The following SCAMP1 variants were observed in gnomAD, a reference collection of about 807,000 sequenced individuals.
The protein encoded by SCAMP1 is secretory carrier membrane protein 1.
In SCAMP1, 15 loss-of-function variants were observed where a neutral mutation model predicts 41.8. The ratio of observed to expected loss-of-function variants is 0.36; its 90% CI spans 0.24 to 0.55. The LOEUF (loss-of-function observed/expected upper bound fraction) is 0.55. Among genes scored for constraint, SCAMP1 ranks in the 20% least tolerant of loss-of-function variants. SCAMP1 has a pLI of 0.86. For missense variants in SCAMP1, 341 were observed against 412.6 expected, an observed-to-expected ratio of 0.83 and a Z score of 1.50; for synonymous variants, 135 against 136.8, an observed-to-expected ratio of 0.99 and a Z score of 0.09.
intron 1 of SCAMP1, among the ~76,000 whole-genome samples, chr5:78,369,678 A>G (rs577232817): frequency 2.0e-5 from 3 of 152,206 alleles, no homozygotes; most frequent in African/African-American, 2.4e-5. Flanking sequence ...AAAAAAGGCA[A>G]TATCTGTGAA....
At chr5:78,446,412 CCTTTT>C (rs1753053313) in intron 6 of SCAMP1, among the ~76,000 whole-genome samples, 1 of 152,000 alleles carries the variant, frequency 6.6e-6, no homozygotes, top group African/African-American at 2.4e-5. Flanking sequence ...TTATTCAGCC[CCTTTT>C]TAGAGCACAT....
At chr5:78,452,678 A>C (rs1753269914) in intron 7 of SCAMP1, among the ~76,000 whole-genome samples, 1 of 151,766 alleles carries the variant, frequency 6.6e-6, no homozygotes, top group Non-Finnish European at 1.5e-5. Context: ...TAGCAGCATG[A>C]TTTATAGTCC....
intron 8 of SCAMP1, among the ~76,000 whole-genome samples, chr5:78,468,151 CT>C (rs1465778244): frequency 2.6e-5 from 4 of 152,096 alleles, no homozygotes; most frequent in African/African-American, 9.7e-5. Flanking sequence ...ATCATTGGTG[CT>C]GCAGGGCCCA....
At chr5:78,376,010 A>G (rs534457138) in intron 1 of SCAMP1, among the ~76,000 whole-genome samples, 26 of 152,250 alleles carry the variant, frequency 1.7e-4, no homozygotes, top group African/African-American at 6.0e-4. Context: ...ATCAATATAA[A>G]TGTTGCAGGA....
chr5:78,446,425 C>T (rs1317482231), intron 6 of SCAMP1, among the ~76,000 whole-genome samples: 1 of 151,990 alleles, frequency 6.6e-6, no homozygotes, highest in African/African-American at 2.4e-5. Flanking sequence ...TTTTAGAGCA[C>T]ATACTTTATA....
chr5:78,455,480 G>A (rs1411220762), intron 7 of SCAMP1, among the ~76,000 whole-genome samples: 1 of 131,204 alleles, frequency 7.6e-6, no homozygotes. Flanking sequence ...CAGTTTCCAT[G>A]TAGTTGAGTG....
intron 2 of SCAMP1, among the ~76,000 whole-genome samples, chr5:78,409,635 T>C (rs970017419): frequency 3.9e-5 from 6 of 152,164 alleles, no homozygotes; most frequent in Non-Finnish European, 8.8e-5. Flanking sequence ...GTGAAGAAAT[T>C]ATCAGGATAA....
At position 78,456,421 on chromosome 5, in the gene SCAMP1, T is replaced by C. The variant is rs545891107; in HGVS notation, c.735-2824T>C. 6.2e-4 allele frequency among the ~76,000 whole-genome samples: 95 copies of C among 152,230 alleles called. 1 individual carries two copies. In the South Asian group the frequency reaches 0.012, roughly 20 times the overall value. On this transcript the variant is annotated intron_variant, in intron 7 of 8. Coordinates refer to ENST00000621999, the MANE Select transcript of SCAMP1 (RefSeq NM_004866.6). ...TCAGCATTTGCTTGTTTGTAAAGTA[T>C]TTTATTTCTCCTTCACTTATGAAGT... is the stretch of plus-strand genomic sequence containing the variant.
At chr5:78,403,044 T>A (rs1437014374) in intron 2 of SCAMP1, among the ~76,000 whole-genome samples, 1 of 152,168 alleles carries the variant, frequency 6.6e-6, no homozygotes, top group Non-Finnish European at 1.5e-5. Context: ...CTAATTTTTG[T>A]ATTTTTCGTA....
chr5:78,447,804 TCCTCCTC>T (rs1178525985), intron 6 of SCAMP1, among the ~76,000 whole-genome samples: 1 of 145,648 alleles, frequency 6.9e-6, no homozygotes, highest in Non-Finnish European at 1.5e-5. Flanking sequence ...TTCTTCTTCT[TCCTCCTC>T]CCTCCTCCCC....
intron 1 of SCAMP1, among the ~76,000 whole-genome samples, chr5:78,368,947 T>C (rs1750868242): frequency 6.6e-6 from 1 of 151,858 alleles, no homozygotes; most frequent in South Asian, 2.1e-4. Flanking sequence ...ACAATGCTCT[T>C]TTGGTAGGGC....
intron 1 of SCAMP1, among the ~76,000 whole-genome samples, chr5:78,361,738 A>G (rs942475591): frequency 2.0e-5 from 3 of 152,226 alleles, no homozygotes; most frequent in Non-Finnish European, 4.4e-5. Flanking sequence ...CCCCCCGGCC[A>G]TGTGCAGTAG....
At chr5:78,448,893 G>A (rs188303672) in intron 6 of SCAMP1, among the ~76,000 whole-genome samples, 9 of 152,128 alleles carry the variant, frequency 5.9e-5, no homozygotes, top group Non-Finnish European at 1.2e-4. Context: ...CCAACTACTC[G>A]GGAGGCTGAG....
chr5:78,438,051 G>A (rs138459704), intron 6 of SCAMP1, among the ~76,000 whole-genome samples: 5,400 of 152,116 alleles, frequency 0.035, 346 homozygotes, highest in African/African-American at 0.12. Flanking sequence ...CTGTAGGATC[G>A]GTGGTGATAC....
At chr5:78,380,240 G>A (rs1010376598) in intron 1 of SCAMP1, among the ~76,000 whole-genome samples, 1 of 152,120 alleles carries the variant, frequency 6.6e-6, no homozygotes. Flanking sequence ...GCTTCCAGTC[G>A]ATTAATTAGT....
At chr5:78,425,970 G>A (rs549080217) in intron 6 of SCAMP1, among the ~76,000 whole-genome samples, 1 of 145,328 alleles carries the variant, frequency 6.9e-6, no homozygotes, top group African/African-American at 2.6e-5. Context: ...GACAGGCCCT[G>A]GTTTGTGATG....
intron 8 of SCAMP1, among the ~76,000 whole-genome samples, chr5:78,462,567 A>T (rs975313018): frequency 6.6e-6 from 1 of 152,114 alleles, no homozygotes; most frequent in Non-Finnish European, 1.5e-5. Flanking sequence ...CAAGTGATCT[A>T]CTTGCCTTGG....
At chr5:78,365,548 A>G (rs1460952901) in intron 1 of SCAMP1, among the ~76,000 whole-genome samples, 2 of 148,752 alleles carry the variant, frequency 1.3e-5, no homozygotes, top group Admixed American at 6.7e-5. Context: ...AGTGAAATTT[A>G]TGTTACTTTT....
At chr5:78,419,793 C>T (rs1752296328) in intron 5 of SCAMP1, among the ~76,000 whole-genome samples, 1 of 152,140 alleles carries the variant, frequency 6.6e-6, no homozygotes, top group Non-Finnish European at 1.5e-5. Flanking sequence ...CTTTTAGGAG[C>T]ATTCTTCATG....
Sources: gnomAD v4.1 joint callset for allele counts (sites outside exome capture counted in the v4.1 genomes callset) on GRCh38, gnomAD v4.1.1 for gene constraint, MANE v1.5 for transcripts, NCBI Gene and HGNC (gene_info 2026-07-23, HGNC 2026-07-21) for gene names.